The following XIRP2 variants were observed in gnomAD, a reference collection of about 807,000 sequenced individuals.
XIRP2 encodes xin actin binding repeat containing 2, also known as xin actin-binding repeat-containing protein 2.
In XIRP2, 236 loss-of-function variants were observed where a neutral mutation model predicts 277.0. The observed-to-expected ratio is 0.85, with a 90% CI of 0.77 to 0.95. The LOEUF is 0.95. Ranked by LOEUF, XIRP2 falls within the 40% of genes least tolerant of loss-of-function variation. The pLI is 0.00. For missense variants in XIRP2, 4,640 were observed against 4,157.5 expected, an observed-to-expected ratio of 1.12 and a Z score of -3.19; for synonymous variants, 1,490 against 1,416.5, an observed-to-expected ratio of 1.05 and a Z score of -1.17.
intron 2 of XIRP2, among the ~76,000 whole-genome samples, chr2:167,082,790 G>C (rs891563913): frequency 1.3e-5 from 2 of 152,076 alleles, no homozygotes; most frequent in Non-Finnish European, 2.9e-5. Flanking sequence ...TGATGGGGTT[G>C]TTTGTTTTTT....
At chr2:167,028,452 C>A (rs1204427422) in intron 2 of XIRP2, among the ~76,000 whole-genome samples, 1 of 151,998 alleles carries the variant, frequency 6.6e-6, no homozygotes, top group African/African-American at 2.4e-5. Context: ...TTACCCAAGG[C>A]CACCAAGGCA....
chr2:166,893,924 C>G (rs1265467343), intron 1 of XIRP2, among the ~76,000 whole-genome samples: 1 of 152,026 alleles, frequency 6.6e-6, no homozygotes, highest in Non-Finnish European at 1.5e-5. Context: ...GTAAATCAAC[C>G]ATATGAGACT....
chr2:166,983,375 T>A (rs1271283546), intron 2 of XIRP2, among the ~76,000 whole-genome samples: 1 of 152,168 alleles, frequency 6.6e-6, no homozygotes, highest in Non-Finnish European at 1.5e-5. Flanking sequence ...TTATTTCACA[T>A]TAAAATTTTA....
At position 167,248,351 on chromosome 2, in the gene XIRP2, C is replaced by T; in HGVS notation, c.6959C>T (p.Pro2320Leu). ...LPPPPPLMMF[P>L]EKNGFLPSLS... The stretch of plus-strand genomic sequence containing the variant: ...CCTCCACCTCCTTTGATGATGTTTC[C>T]TGAAAAAAATGGGTTTCTTCCCTCA... The change falls in exon 9 of 11, where the codon CCT (proline) becomes CTT (leucine). Residue 2320 changes from proline to leucine, a missense_variant. Physicochemically the swap from Pro to Leu is moderately conservative, Grantham distance 98. Coordinates refer to ENST00000409195, the MANE Select transcript of XIRP2 (RefSeq NM_152381.6). 1 of 1,613,542 alleles carries T rather than the reference C, an allele frequency of 6.2e-7. No individual in the cohort carries two copies. Among genetic ancestry groups the T allele is most frequent in the Non-Finnish European group, 8.5e-7 (1 of 1,179,774 alleles).
rs142431357 is a variant in XIRP2 at position 167,030,475 on chromosome 2, A to G, written c.409-105434A>G. Among the ~76,000 whole-genome samples the G allele has an allele frequency of 6.1e-3, 933 of 152,232 alleles. 75 individuals carry two copies. The East Asian group carries it at 0.16, about 26-fold the overall frequency. On this transcript the variant is annotated intron_variant, in intron 2 of 10. Coordinates refer to ENST00000409195, the MANE Select transcript of XIRP2 (RefSeq NM_152381.6). ...TCTGCCTTAATTTTGTTATGTACCC[A>G]GTAGTCATTCAGGAGCAGGTTGTTC...
intron 2 of XIRP2, among the ~76,000 whole-genome samples, chr2:167,111,358 A>G (rs776479931): frequency 4.6e-5 from 7 of 152,114 alleles, no homozygotes; most frequent in Non-Finnish European, 8.8e-5. Context: ...TTTCATGCCA[A>G]GTTTATAGAG....
chr2:167,054,808 TTC>T (rs1264700597), intron 2 of XIRP2, among the ~76,000 whole-genome samples: 1 of 151,858 alleles, frequency 6.6e-6, no homozygotes, highest in East Asian at 1.9e-4. Context: ...CATTTGAAAA[TTC>T]TCTCTCTCTC....
At chr2:166,901,451 T>C (rs1326208691) in intron 1 of XIRP2, among the ~76,000 whole-genome samples, 1 of 152,088 alleles carries the variant, frequency 6.6e-6, no homozygotes, top group East Asian at 1.9e-4. Flanking sequence ...CAGAAACAGA[T>C]GTTCCAAATC....
chr2:167,167,366 A>T (rs1692554847), intron 3 of XIRP2, among the ~76,000 whole-genome samples: 2 of 152,188 alleles, frequency 1.3e-5, no homozygotes, highest in African/African-American at 4.8e-5. Context: ...AATATTTTTC[A>T]TATTTGTTAC....
chr2:167,234,311 G>C (rs1694839729), intron 5 of XIRP2, among the ~76,000 whole-genome samples: 1 of 151,226 alleles, frequency 6.6e-6, no homozygotes, highest in Admixed American at 6.6e-5. Context: ...CAATATATCT[G>C]CATAATTCAT....
At chr2:167,011,719 G>T (rs954899941) in intron 2 of XIRP2, among the ~76,000 whole-genome samples, 8 of 151,544 alleles carry the variant, frequency 5.3e-5, no homozygotes, top group Admixed American at 5.3e-4. Flanking sequence ...TTTTTGGTTG[G>T]TAAGCTATTG....
At chr2:167,114,906 C>T (rs1378513124) in intron 2 of XIRP2, among the ~76,000 whole-genome samples, 2 of 151,964 alleles carry the variant, frequency 1.3e-5, no homozygotes, top group East Asian at 1.9e-4. Context: ...AATAAACATA[C>T]GTGTGTGTGT....
At chr2:167,204,390 G>A (rs1225714697) in intron 3 of XIRP2, among the ~76,000 whole-genome samples, 2 of 152,208 alleles carry the variant, frequency 1.3e-5, no homozygotes, top group Non-Finnish European at 2.9e-5. Context: ...TGAGCATAGT[G>A]ATTTTGTTTG....
intron 2 of XIRP2, among the ~76,000 whole-genome samples, chr2:167,048,472 A>T (rs540809966): frequency 5.3e-5 from 8 of 151,714 alleles, no homozygotes; most frequent in Non-Finnish European, 1.2e-4. Context: ...TTTTCTTTCT[A>T]TTTTTATTTT....
chr2:167,247,208 T>C lies in XIRP2; in HGVS notation c.5816T>C (p.Val1939Ala). The C allele has an allele frequency of 6.2e-7, 1 of 1,613,394 alleles. No individual in the cohort carries two copies. Among genetic ancestry groups the C allele is most frequent in the Non-Finnish European group, 8.5e-7 (1 of 1,179,766 alleles). Residue 1939 changes from valine (V) to alanine (A), a missense_variant, in exon 9 of 11, where the codon GTA becomes GCA. Coordinates refer to ENST00000409195, the MANE Select transcript of XIRP2 (RefSeq NM_152381.6). ...LKEAQRSFKE[V>A]HKEGVIKKDA... is the part of the protein sequence containing the mutation. The stretch of plus-strand genomic sequence containing the variant: ...GAAGCACAAAGAAGTTTCAAAGAGG[T>C]ACATAAAGAAGGTGTAATAAAAAAA...
chr2:167,217,362 G>C (rs1485393951), intron 4 of XIRP2, among the ~76,000 whole-genome samples: 2 of 151,918 alleles, frequency 1.3e-5, no homozygotes, highest in African/African-American at 2.4e-5. Context: ...TAATGTTAAA[G>C]CCCCCTGATT....
At chr2:166,996,204 A>G (rs778936117) in intron 2 of XIRP2, among the ~76,000 whole-genome samples, 5 of 152,224 alleles carry the variant, frequency 3.3e-5, no homozygotes, top group African/African-American at 7.2e-5. Context: ...AGAGAAGTGA[A>G]TGAGTGAGTG....
rs189408429 is a variant in XIRP2, at chr2:167,189,270, A to T, written c.563-21465A>T. Reference sequence around the variant, plus strand: ...TTCTCTCTCTTGTGCTCTCTCTCTCACACACACACATACACACAACTCTGG... The same window carrying T: ...TTCTCTCTCTTGTGCTCTCTCTCTCTCACACACACATACACACAACTCTGG... On this transcript the variant is annotated intron_variant, in intron 3 of 10. Transcript: ENST00000409195. 1.5e-3 allele frequency among the ~76,000 whole-genome samples: 233 copies of T among 152,054 alleles called. 1 individual carries two copies. The highest frequency in any genetic ancestry group is 5.5e-3 in the African/African-American group (228 of 41,492).
intron 2 of XIRP2, among the ~76,000 whole-genome samples, chr2:167,118,936 G>T (rs370454742): frequency 6.6e-6 from 1 of 152,164 alleles, no homozygotes; most frequent in Admixed American, 6.6e-5. Context: ...GCAGGAGAGT[G>T]CAGTGTCATG....
Sources: gnomAD v4.1 joint callset for allele counts (sites outside exome capture counted in the v4.1 genomes callset) on GRCh38, gnomAD v4.1.1 for gene constraint, MANE v1.5 for transcripts, NCBI Gene and HGNC (gene_info 2026-07-23, HGNC 2026-07-21) for gene names.